Variants in DPP6 observed in about 807,000 individuals in gnomAD.
DPP6 encodes A-type potassium channel modulatory protein DPP6.
DPP6 carries 69 observed loss-of-function variants against 122.6 expected under a neutral mutation model. The observed-to-expected ratio is 0.56, with a 90% CI of 0.46 to 0.69. The LOEUF (loss-of-function observed/expected upper bound fraction) is 0.69, where lower values mean the gene tolerates loss of function less well. Ranked by LOEUF, DPP6 falls within the 30% of genes least tolerant of loss-of-function variation. The pLI, the probability that DPP6 is intolerant of heterozygous loss-of-function variation, is 0.00. For missense variants in DPP6, 928 were observed against 1,116.9 expected (o/e 0.83, Z 2.41); for synonymous variants, 418 against 433.1 (o/e 0.97, Z 0.43).
chr7:154,588,311 G>A (rs1427477124), intron 5 of DPP6: 1 of 670,552 alleles, frequency 1.5e-6, no homozygotes, highest in East Asian at 3.0e-5. Context: ...ATAATCATGG[G>A]AAGGAGACTG....
At chr7:154,866,066 G>T (rs746953623) in intron 17 of DPP6, among the ~76,000 whole-genome samples, 12 of 152,214 alleles carry the variant, frequency 7.9e-5, no homozygotes, top group Non-Finnish European at 1.8e-4. Context: ...AGATAGGGTG[G>T]TCAGGTCCCT....
intron 1 of DPP6, among the ~76,000 whole-genome samples, chr7:154,265,211 GTGA>G (rs1174427487): frequency 5.3e-5 from 8 of 152,092 alleles, no homozygotes; most frequent in Middle Eastern, 3.4e-3. Flanking sequence ...GGTGTTAATG[GTGA>G]TGATGATAAT....
intron 1 of DPP6, among the ~76,000 whole-genome samples, chr7:154,023,936 G>T: frequency 6.6e-6 from 1 of 152,136 alleles, no homozygotes; most frequent in Non-Finnish European, 1.5e-5. Context: ...AGAATTTAGG[G>T]GTGCCCAACA....
chr7:154,180,630 A>G, intron 1 of DPP6, among the ~76,000 whole-genome samples: 1 of 151,322 alleles, frequency 6.6e-6, no homozygotes, highest in Non-Finnish European at 1.5e-5. Flanking sequence ...TTAAACACTT[A>G]GATCCATGAA....
rs536964460 is a variant in DPP6, at chr7:154,124,012, C to A, written c.243+70949C>A. ...GACATGCTGCCCACTCACTATGATTCCATGGGGACAGACATGCCGCCCACG... is the reference window on the plus strand; with the variant it reads ...GACATGCTGCCCACTCACTATGATTACATGGGGACAGACATGCCGCCCACG... On this transcript the variant is annotated intron_variant, in intron 1 of 25. Coordinates refer to ENST00000377770, the MANE Select transcript of DPP6 (RefSeq NM_130797.4). 1.2e-3 allele frequency among the ~76,000 whole-genome samples: 185 copies of A among 150,606 alleles called. 2 individuals are homozygous for A. The highest frequency in any genetic ancestry group is 4.1e-3 in the African/African-American group (168 of 40,928).
chr7:154,102,513 G>T (rs1805821913), intron 1 of DPP6, among the ~76,000 whole-genome samples: 1 of 152,062 alleles, frequency 6.6e-6, no homozygotes, highest in South Asian at 2.1e-4. Context: ...TTTCTGTGGG[G>T]ACCCCTCATT....
intron 5 of DPP6, among the ~76,000 whole-genome samples, chr7:154,608,360 C>G (rs1198360237): frequency 2.9e-5 from 3 of 103,756 alleles, no homozygotes; most frequent in African/African-American, 9.1e-5. Flanking sequence ...TGGAATCTCG[C>G]TCTGTTACCC....
At chr7:154,640,823 A>C (rs1348060883) in intron 6 of DPP6, among the ~76,000 whole-genome samples, 3 of 152,212 alleles carry the variant, frequency 2.0e-5, no homozygotes, top group Admixed American at 6.5e-5. Flanking sequence ...GAAAACTAAG[A>C]GATTTTCTTA....
At chr7:153,796,908 G>A in the DPP6 span, among the ~76,000 whole-genome samples, 4 of 152,340 alleles carry the variant, frequency 2.6e-5, no homozygotes, top group Non-Finnish European at 5.9e-5. Context: ...ACGTGGCAGA[G>A]TTGAAGAGAT....
intron 1 of DPP6, among the ~76,000 whole-genome samples, chr7:154,143,266 G>A (rs890357278): frequency 6.6e-6 from 1 of 152,170 alleles, no homozygotes; most frequent in African/African-American, 2.4e-5. Flanking sequence ...TTTTCTGACC[G>A]TTCCCAATCC....
chr7:153,942,737 C>T (rs56359315), intron 1 of DPP6, among the ~76,000 whole-genome samples: 6 of 152,294 alleles, frequency 3.9e-5, no homozygotes, highest in South Asian at 2.1e-4. Flanking sequence ...GGGCTGCTCA[C>T]GAGGCCGCCC....
chr7:154,124,968 A>G (rs1164193514), intron 1 of DPP6, among the ~76,000 whole-genome samples: 5 of 152,256 alleles, frequency 3.3e-5, no homozygotes, highest in Non-Finnish European at 7.3e-5. Context: ...GAGGGCCCTT[A>G]GAGATCCCAA....
intron 1 of DPP6, among the ~76,000 whole-genome samples, chr7:154,112,439 G>T (rs1457127840): frequency 2.6e-5 from 4 of 151,954 alleles, no homozygotes; most frequent in African/African-American, 9.7e-5. Context: ...GAGGCCAGAA[G>T]TTCGAGACCA....
chr7:154,369,488 C>A (rs540827835), intron 1 of DPP6, among the ~76,000 whole-genome samples: 1 of 152,278 alleles, frequency 6.6e-6, no homozygotes, highest in African/African-American at 2.4e-5. Context: ...CCAGCCTCAG[C>A]CTCCTGAGTA....
chr7:154,711,568 G>T (rs1220457236), intron 7 of DPP6, among the ~76,000 whole-genome samples: 2 of 152,192 alleles, frequency 1.3e-5, no homozygotes, highest in Non-Finnish European at 2.9e-5. Flanking sequence ...GAAGGAAATT[G>T]CATTAAACAG....
rs762292329 is a variant in DPP6, at chr7:154,425,625, T to TGTGGGG, written c.244-20586_244-20585insGGGGTG. ...AAAAATGTGTGTGTGTGTGTGGGTG[T>TGTGGGG]GTGTGTGTGTGTGTGTGTGTGTGTG... On this transcript the variant is annotated intron_variant, in intron 1 of 25. Transcript: ENST00000377770. 6.3e-3 allele frequency among the ~76,000 whole-genome samples: 730 copies of TGTGGGG among 115,854 alleles called. 2 individuals carry two copies. Among genetic ancestry groups the TGTGGGG allele is most frequent in the Middle Eastern group, 0.016 (4 of 248 alleles). 76.0% of individuals were successfully genotyped at this position (115,854 alleles called of 152,430 possible). A position where few individuals can be genotyped will look rare whatever the true frequency, so the allele number is the denominator to read the frequency against.
chr7:154,394,455 G>T (rs866755486), intron 1 of DPP6, among the ~76,000 whole-genome samples: 36 of 150,820 alleles, frequency 2.4e-4, no homozygotes, highest in African/African-American at 7.8e-4. Context: ...TGTATTTTTT[G>T]AGTTTTAGAA....
At chr7:154,347,047 T>TAC (rs1449698417) in intron 1 of DPP6, among the ~76,000 whole-genome samples, 1 of 151,920 alleles carries the variant, frequency 6.6e-6, no homozygotes, top group East Asian at 1.9e-4. Flanking sequence ...TGCATGCACG[T>TAC]ACACACACAC....
At chr7:154,271,691 T>C (rs550993109) in intron 1 of DPP6, among the ~76,000 whole-genome samples, 2 of 152,240 alleles carry the variant, frequency 1.3e-5, no homozygotes, top group African/African-American at 2.4e-5. Flanking sequence ...TTTGCAGTGA[T>C]AAGGGGGTCA....
Sources: gnomAD v4.1 joint callset for allele counts (sites outside exome capture counted in the v4.1 genomes callset) on GRCh38, gnomAD v4.1.1 for gene constraint, MANE v1.5 for transcripts, NCBI Gene and HGNC (gene_info 2026-07-23, HGNC 2026-07-21) for gene names.